Variants in METTL8 observed in about 807,000 individuals in gnomAD.
METTL8 encodes the protein methyltransferase 8, tRNA N3-cytidine, also known as tRNA N(3)-cytidine methyltransferase METTL8, mitochondrial.
Under a neutral mutation model 48.7 loss-of-function variants are expected in METTL8, and 32 were observed. That is an observed-to-expected ratio of 0.66 (90% CI 0.50 to 0.88). The LOEUF is 0.88. METTL8 is among the 40% of genes least tolerant of loss of function. The pLI, the probability that METTL8 is intolerant of heterozygous loss-of-function variation, is 0.00. For missense variants in METTL8, 464 were observed against 474.4 expected (o/e 0.98, Z 0.20); for synonymous variants, 136 against 157.1 (o/e 0.87, Z 1.01).
chr2:171,430,244 G>T (rs2105685460), intron 1 of METTL8, among the ~76,000 whole-genome samples: 2 of 151,856 alleles, frequency 1.3e-5, no homozygotes, highest in South Asian at 4.2e-4. Flanking sequence ...TGTAATGCCA[G>T]CAACTGGGGA....
intron 9 of METTL8, 125 bp from the exon 10 acceptor site, chr2:171,324,487 C>A: frequency 1.1e-6 from 1 of 887,286 alleles, no homozygotes. Flanking sequence ...CTCTCTAGAA[C>A]AATTTGGTGA....
chr2:171,373,477 T>C lies in METTL8; in HGVS notation c.144-12964A>G, dbSNP rs1279896685. Among the ~76,000 whole-genome samples, 14 of 152,318 alleles carry C rather than the reference T, an allele frequency of 9.2e-5. No homozygotes were observed. The East Asian group carries it at 1.2e-3, about 13-fold the overall frequency. On this transcript the variant is annotated intron_variant, in intron 2 of 9. Transcript: ENST00000375258. ...TTTCTTTTGCTGTGCAGAAGCTCTT[T>C]AGTTTAATTAGATCACATTTGTCAA...
intron 3 of METTL8, among the ~76,000 whole-genome samples, chr2:171,355,387 G>GTCC (rs140080407): frequency 0.059 from 9,035 of 152,244 alleles, 454 homozygotes; most frequent in African/African-American, 0.14. Flanking sequence ...CTACTGGGAG[G>GTCC]TGCCTCCCAG....
rs1402140014 is a variant in METTL8 at position 171,321,651 on chromosome 2, T to G, written c.*2521A>C. On this transcript the variant is annotated 3_prime_UTR_variant, in exon 10 of 10. Transcript: ENST00000375258. ...GAGTATTTATTTATTCTAGGTTCTG[T>G]GGTTCATAATCAAAGTCTGCTAGCT... 6.6e-6 allele frequency: 1 copy of G among 152,354 alleles called. No individual in the cohort carries two copies. The allele number at this position is 152,354 out of a possible 1,614,324, so 9.4% of individuals were successfully genotyped here.
chr2:171,343,066 A>T (rs1686935724), intron 3 of METTL8, among the ~76,000 whole-genome samples: 1 of 152,156 alleles, frequency 6.6e-6, no homozygotes. Context: ...AGTGGGGAAA[A>T]CTCAAATGCC....
At position 171,348,947 on chromosome 2, in the gene METTL8, T is replaced by C. The variant is rs150080577; in HGVS notation, c.236-9393A>G. ...GTTCCCAGCTGTGCAATGAGGATGA[T>C]GCAGGCCAAGTTCTTTTGTTTGTAG... On this transcript the variant is annotated intron_variant, in intron 3 of 9. Transcript: ENST00000375258. 1.9e-3 allele frequency among the ~76,000 whole-genome samples: 293 copies of C among 152,332 alleles called. 7 individuals are homozygous for C. The East Asian group carries it at 0.029, about 15-fold the overall frequency.
chr2:171,356,001 G>C (rs1018428806), intron 3 of METTL8, among the ~76,000 whole-genome samples: 1 of 152,154 alleles, frequency 6.6e-6, no homozygotes, highest in African/African-American at 2.4e-5. Flanking sequence ...ACAAGCCCCA[G>C]TGAGATGAAC....
At chr2:171,358,220 G>A (rs1261583256) in intron 3 of METTL8, among the ~76,000 whole-genome samples, 2 of 151,860 alleles carry the variant, frequency 1.3e-5, no homozygotes, top group African/African-American at 2.4e-5. Context: ...GTGTGGTGGT[G>A]GGCACCTGTA....
chr2:171,334,234 C>T (rs928678309), intron 5 of METTL8, among the ~76,000 whole-genome samples: 1 of 152,186 alleles, frequency 6.6e-6, no homozygotes, highest in African/African-American at 2.4e-5. Context: ...ATAGAACAGT[C>T]TACGAGCTAA....
intron 1 of METTL8, among the ~76,000 whole-genome samples, chr2:171,422,054 G>A (rs565570047): frequency 1.3e-5 from 2 of 152,294 alleles, no homozygotes; most frequent in African/African-American, 4.8e-5. Context: ...AGAGGAGTAA[G>A]ATGGAACAGT....
At chr2:171,355,072 G>T (rs1052805314) in intron 3 of METTL8, among the ~76,000 whole-genome samples, 1 of 152,178 alleles carries the variant, frequency 6.6e-6, no homozygotes, top group Non-Finnish European at 1.5e-5. Flanking sequence ...CAGCTTTTCT[G>T]CTCTGGTTTC....
intron 3 of METTL8, among the ~76,000 whole-genome samples, chr2:171,343,323 C>T (rs1292989955): frequency 6.6e-6 from 1 of 152,048 alleles, no homozygotes; most frequent in Non-Finnish European, 1.5e-5. Flanking sequence ...CCTGTAATCC[C>T]AGCTACTCAG....
intron 1 of METTL8, among the ~76,000 whole-genome samples, chr2:171,427,085 T>C (rs535892426): frequency 1.3e-4 from 20 of 152,230 alleles, no homozygotes; most frequent in Non-Finnish European, 2.5e-4. Context: ...TCCAATTTGT[T>C]TTGAGGAGTT....
At chr2:171,329,172 G>A (rs975640549) in intron 7 of METTL8, among the ~76,000 whole-genome samples, 2 of 151,274 alleles carry the variant, frequency 1.3e-5, no homozygotes, top group Non-Finnish European at 2.9e-5. Flanking sequence ...AGGTTTCACA[G>A]TAGAAACGAG....
chr2:171,427,701 T>C (rs1033570937), intron 1 of METTL8, among the ~76,000 whole-genome samples: 2 of 152,212 alleles, frequency 1.3e-5, no homozygotes, highest in Non-Finnish European at 2.9e-5. Flanking sequence ...AAGCAGGGTG[T>C]TCAACCACCC....
intron 1 of METTL8, among the ~76,000 whole-genome samples, chr2:171,394,081 C>T (rs1301860702): frequency 6.6e-6 from 1 of 152,200 alleles, no homozygotes; most frequent in Admixed American, 6.5e-5. Flanking sequence ...AAATGCTCCA[C>T]CTACCACCAC....
At chr2:171,326,013 A>C (rs1684914864) in intron 8 of METTL8, 29 bp downstream of exon 8, 2 of 1,400,686 alleles carry the variant, frequency 1.4e-6, no homozygotes, top group Non-Finnish European at 2.0e-6. Flanking sequence ...GAACATTTAA[A>C]AATAACCTCA....
chr2:171,382,300 A>G (rs1231385641), intron 2 of METTL8, among the ~76,000 whole-genome samples: 1 of 152,226 alleles, frequency 6.6e-6, no homozygotes, highest in Non-Finnish European at 1.5e-5. Flanking sequence ...ACATGGAACC[A>G]ACCCAAATGT....
chr2:171,385,663 T>C (rs891634918), intron 2 of METTL8, among the ~76,000 whole-genome samples: 1 of 152,198 alleles, frequency 6.6e-6, no homozygotes, highest in African/African-American at 2.4e-5. Flanking sequence ...GGGTATGCTA[T>C]GAAGATGGAT....
Sources: gnomAD v4.1 joint callset for allele counts (sites outside exome capture counted in the v4.1 genomes callset) on GRCh38, gnomAD v4.1.1 for gene constraint, MANE v1.5 for transcripts, NCBI Gene and HGNC (gene_info 2026-07-23, HGNC 2026-07-21) for gene names.